The following GRM8 variants were observed in gnomAD, a reference collection of about 807,000 sequenced individuals.
GRM8 encodes glutamate metabotropic receptor 8.
In GRM8, 47 loss-of-function variants were observed where a neutral mutation model predicts 87.2. The ratio of observed to expected loss-of-function variants is 0.54; its 90% CI spans 0.43 to 0.69. The LOEUF is 0.69. GRM8 is among the 30% of genes least tolerant of loss of function. GRM8 has a pLI of 0.00. For missense variants in GRM8, 1,019 were observed against 1,139.2 expected (o/e 0.89, Z 1.52); for synonymous variants, 396 against 404.5 (o/e 0.98, Z 0.25).
intron 6 of GRM8, among the ~76,000 whole-genome samples, chr7:126,783,268 C>T (rs78069574): frequency 0.016 from 2,494 of 152,278 alleles, 73 homozygotes; most frequent in African/African-American, 0.057. Context: ...TACCCAAATA[C>T]ATCTTAGGTT....
intron 3 of GRM8, among the ~76,000 whole-genome samples, chr7:126,971,157 TAAAA>T (rs71177581): frequency 0.012 from 1,198 of 100,260 alleles, 14 homozygotes; most frequent in African/African-American, 0.024. Flanking sequence ...TTTCAATTTG[TAAAA>T]AAAAAAAAAA....
intron 2 of GRM8, among the ~76,000 whole-genome samples, chr7:127,107,393 T>G (rs1286459000): frequency 6.6e-6 from 1 of 152,134 alleles, no homozygotes; most frequent in Non-Finnish European, 1.5e-5. Flanking sequence ...GAAGAGACTA[T>G]TTTTCTTTTA....
intron 6 of GRM8, among the ~76,000 whole-genome samples, chr7:126,865,997 T>C (rs1586245982): frequency 6.6e-6 from 1 of 152,204 alleles, no homozygotes. Flanking sequence ...GTTTGAGAAA[T>C]TGCCAGACTG....
intron 7 of GRM8, among the ~76,000 whole-genome samples, chr7:126,754,334 T>C (rs1380006941): frequency 6.6e-6 from 1 of 151,904 alleles, no homozygotes. Context: ...GCCTAAATTA[T>C]GATGCTCTTA....
rs146925198 is a variant in GRM8, at chr7:126,730,969, A to C, written c.1357+38896T>G. 6.3e-4 allele frequency among the ~76,000 whole-genome samples: 96 copies of C among 152,274 alleles called. No individual in the cohort carries two copies. In the East Asian group the frequency reaches 0.013, roughly 21 times the overall value. ...AATATAATTGTTTGGTAAACATTAC[A>C]GCATTTTATTAACAAACCTTGTTAA... is the stretch of plus-strand genomic sequence containing the variant. On this transcript the variant is annotated intron_variant, in intron 7 of 10. Transcript: ENST00000339582.
chr7:126,446,086 C>A, intron 10 of GRM8, 40 bp downstream of exon 10: 1 of 1,610,436 alleles, frequency 6.2e-7, no homozygotes, highest in Non-Finnish European at 8.5e-7. Flanking sequence ...TTAGGAAGTG[C>A]TCCCGCTCTT....
intron 3 of GRM8, among the ~76,000 whole-genome samples, chr7:126,908,814 C>A (rs1196952269): frequency 6.6e-6 from 1 of 152,204 alleles, no homozygotes; most frequent in Non-Finnish European, 1.5e-5. Flanking sequence ...GAAAGAGGCA[C>A]TGGACTATTA....
chr7:126,672,255 G>A (rs906645927), intron 7 of GRM8, among the ~76,000 whole-genome samples: 2 of 152,128 alleles, frequency 1.3e-5, no homozygotes, highest in African/African-American at 2.4e-5. Context: ...GACACCCATG[G>A]TGGCATCTGC....
intron 3 of GRM8, among the ~76,000 whole-genome samples, chr7:126,962,766 C>T (rs1478250804): frequency 1.3e-5 from 2 of 152,150 alleles, no homozygotes; most frequent in Admixed American, 6.5e-5. Flanking sequence ...CAGCTAAGCC[C>T]GCAGTAAATG....
At chr7:126,986,279 G>A (rs956677208) in intron 3 of GRM8, among the ~76,000 whole-genome samples, 5 of 151,992 alleles carry the variant, frequency 3.3e-5, no homozygotes, top group Non-Finnish European at 7.4e-5. Flanking sequence ...CAAAGTGCTG[G>A]GATTACAGGC....
At chr7:127,068,239 T>C (rs780740558) in intron 3 of GRM8, among the ~76,000 whole-genome samples, 1 of 152,170 alleles carries the variant, frequency 6.6e-6, no homozygotes, top group Non-Finnish European at 1.5e-5. Context: ...AATCACATTA[T>C]TTAGGGGAAC....
intron 9 of GRM8, among the ~76,000 whole-genome samples, chr7:126,524,993 C>T (rs1481543987): frequency 2.0e-5 from 3 of 151,684 alleles, no homozygotes; most frequent in Middle Eastern, 6.8e-3. Flanking sequence ...TCAGTTAATG[C>T]TGTTTTGTTT....
rs576107014 is a variant in GRM8 at position 126,891,165 on chromosome 7, A to C, written c.1156+11377T>G. The stretch of plus-strand genomic sequence containing the variant: ...CATTCCAAGAATCAAGGCATCATCC[A>C]TGATTTGTCCTCTCCTTTAACATGC... On this transcript the variant is annotated intron_variant, in intron 6 of 10. Transcript: ENST00000339582. Among the ~76,000 whole-genome samples, 65 of 152,078 alleles carry C rather than the reference A, an allele frequency of 4.3e-4. 1 individual carries two copies. The highest frequency in any genetic ancestry group is 8.2e-4 in the Non-Finnish European group (56 of 67,984).
At chr7:127,117,784 T>C (rs1826789498) in intron 2 of GRM8, among the ~76,000 whole-genome samples, 1 of 152,206 alleles carries the variant, frequency 6.6e-6, no homozygotes, top group Non-Finnish European at 1.5e-5. Flanking sequence ...TTCCTTACTG[T>C]GCAATCACTG....
At chr7:127,088,743 A>G (rs1823753895) in intron 3 of GRM8, among the ~76,000 whole-genome samples, 1 of 152,162 alleles carries the variant, frequency 6.6e-6, no homozygotes, top group Non-Finnish European at 1.5e-5. Flanking sequence ...GGAGAGCATC[A>G]CACTTTAGCT....
chr7:127,137,131 C>T (rs1052329844), intron 2 of GRM8, among the ~76,000 whole-genome samples: 1 of 151,820 alleles, frequency 6.6e-6, no homozygotes, highest in Admixed American at 6.6e-5. Flanking sequence ...CTATGTAAGC[C>T]TTGATTATCT....
At chr7:126,789,138 A>G (rs983338234) in intron 6 of GRM8, among the ~76,000 whole-genome samples, 3 of 152,200 alleles carry the variant, frequency 2.0e-5, no homozygotes, top group African/African-American at 7.2e-5. Context: ...GATAATCACT[A>G]TAAACATCTT....
intron 10 of GRM8, among the ~76,000 whole-genome samples, chr7:126,445,836 A>T (rs1176147410): frequency 6.6e-6 from 1 of 152,060 alleles, no homozygotes; most frequent in Non-Finnish European, 1.5e-5. Context: ...TTTTTATAAG[A>T]AGATGACGCT....
chr7:126,989,627 G>T (rs1262196407), intron 3 of GRM8, among the ~76,000 whole-genome samples: 3 of 151,820 alleles, frequency 2.0e-5, no homozygotes, highest in African/African-American at 7.3e-5. Flanking sequence ...GTTCAGGAAA[G>T]ATAATATAGC....
Sources: allele counts gnomAD v4.1 joint callset (sites outside exome capture counted in the v4.1 genomes callset), GRCh38; gene constraint gnomAD v4.1.1; transcripts MANE v1.5; gene names NCBI Gene and HGNC (gene_info 2026-07-23, HGNC 2026-07-21).